MAP1A: variants seen among roughly 807,000 people sequenced by gnomAD.
MAP1A encodes microtubule-associated protein 1A.
A neutral mutation model predicts 185.9 loss-of-function variants in MAP1A; 42 were observed. That is an observed-to-expected ratio of 0.23 (90% CI 0.18 to 0.29). MAP1A has a LOEUF of 0.29. Among genes scored for constraint, MAP1A ranks in the 10% least tolerant of loss-of-function variants. The pLI is 1.00. For missense variants in MAP1A, 2,995 were observed against 3,450.4 expected (o/e 0.87, Z 3.31); for synonymous variants, 1,229 against 1,335.9 (o/e 0.92, Z 1.74).
chr15:43,512,063 G>A, intron 1 of MAP1A: 1 of 658,876 alleles, frequency 1.5e-6, no homozygotes, highest in Non-Finnish European at 2.8e-6. Context: ...CACTGAGGCT[G>A]ATCATGGCAA....
exon 2 of MAP1A, chr15:43,512,278 C>T: frequency 6.5e-7 from 1 of 1,542,204 alleles, no homozygotes; most frequent in Non-Finnish European, 8.8e-7. Flanking sequence ...CTCACTTCTC[C>T]TCAGAGGTCA....
At chr15:43,520,140 G>A (rs1342349335) in intron 1 of MAP1A, among the ~76,000 whole-genome samples, 1 of 152,188 alleles carries the variant, frequency 6.6e-6, no homozygotes, top group East Asian at 1.9e-4. Flanking sequence ...ATGGCAAGAA[G>A]GGTGGGGAGT....
rs773498328 is a variant in MAP1A at position 43,526,227 on chromosome 15, T to C, written c.4754T>C (p.Val1585Ala). The change falls in exon 4 of 6, where the codon GTG becomes GCG. Residue 1585 changes from valine (V) to alanine (A), a missense_variant. Physicochemically the swap from Val to Ala is moderately conservative, Grantham distance 64. Around this residue, in one of 3 missense-constraint regions of MAP1A, gnomAD observed 2,728 missense variants for 2,986.0 expected, o/e 0.91. Coordinates refer to ENST00000300231, the MANE Select transcript of MAP1A (RefSeq NM_002373.6). The surrounding 1 kb of genome is among the most constrained non-coding windows in gnomAD (Gnocchi z 4.7). ...NHQTQEQESL[V>A]QEDKTRKPKM... ...CAAACTCAGGAGCAGGAGAGCCTAG[T>C]GCAGGAGGATAAAACCAGGAAACCA... The C allele has an allele frequency of 1.9e-6, 3 of 1,614,146 alleles. No homozygotes were observed. The highest frequency in any genetic ancestry group is 2.5e-6 in the Non-Finnish European group (3 of 1,180,014).
At position 43,523,989 on chromosome 15, in the gene MAP1A, C is replaced by A; in HGVS notation, c.2516C>A (p.Ser839Tyr). 6.2e-7 allele frequency: 1 copy of A among 1,614,116 alleles called. No individual in the cohort carries two copies. The stretch of plus-strand genomic sequence containing the variant: ...TCAATCACTGAGTGTGACAAACTTT[C>A]TTCCTTTGCCACATCAGTGGCTGAG... ...ATSITECDKL[S>Y]SFATSVAEDQ... is the part of the protein sequence containing the mutation. The change falls in exon 4 of 6, where the codon TCT becomes TAT. Residue 839 changes from serine (S) to tyrosine (Y), a missense_variant. Transcript: ENST00000300231.
At position 43,523,489 on chromosome 15, in the gene MAP1A, G is replaced by A. The variant is rs1006937129; in HGVS notation, c.2016G>A (p.Glu672=). ...EEVHPSDEEE[E]DATKAEGFYQ... ...TACACCCTTCAGATGAGGAGGAAGA[G>A]GACGCGACAAAAGCTGAGGGTTTTT... The change falls in exon 4 of 6, where the codon GAG becomes GAA. Residue 672 remains glutamate, a synonymous_variant. Transcript: ENST00000300231. The A allele has an allele frequency of 5.0e-6, 8 of 1,614,070 alleles. No homozygotes were observed. Among genetic ancestry groups the A allele is most frequent in the East Asian group, 2.2e-5 (1 of 44,876 alleles).
In MAP1A at chr15:43,526,339, C is replaced by T. The variant is rs751690757; in HGVS notation, c.4866C>T (p.Gly1622=). ...EALLEKTKAL[G]LEESLVQEGR... ...TTCTGGAGAAGACCAAAGCTCTGGGCCTGGAAGAGAGCCTAGTGCAGGAGG... is the reference window on the plus strand; with the variant it reads ...TTCTGGAGAAGACCAAAGCTCTGGGTCTGGAAGAGAGCCTAGTGCAGGAGG... Residue 1622 remains glycine (G), a synonymous_variant, in exon 4 of 6, where the codon GGC becomes GGT. Coordinates refer to ENST00000300231, the MANE Select transcript of MAP1A (RefSeq NM_002373.6). This position sits in a 1 kb window ranked among gnomAD's most constrained non-coding sequence, Gnocchi z 4.7. 8.7e-6 allele frequency: 14 copies of T among 1,613,874 alleles called. No individual in the cohort carries two copies. The highest frequency in any genetic ancestry group is 1.6e-4 in the Middle Eastern group (1 of 6,082).
chr15:43,527,627 A>C lies in MAP1A; in HGVS notation c.6154A>C (p.Ser2052Arg). The C allele has an allele frequency of 6.2e-7, 1 of 1,613,930 alleles. No individual in the cohort carries two copies. The highest frequency in any genetic ancestry group is 1.3e-5 in the African/African-American group (1 of 74,960). Residue 2052 changes from serine to arginine, a missense_variant, in exon 4 of 6, where the codon AGT becomes CGT. Physicochemically the swap from Ser to Arg is moderately radical, Grantham distance 110. Around this residue, in one of 3 missense-constraint regions of MAP1A, gnomAD observed 2,728 missense variants for 2,986.0 expected, o/e 0.91. Coordinates refer to ENST00000300231, the MANE Select transcript of MAP1A (RefSeq NM_002373.6). ...TVPPRPEPGP[S>R]MEPSLTPPAV... is the part of the protein sequence containing the mutation. ...ACCCCCAAGGCCAGAGCCAGGGCCAAGTATGGAGCCCAGCCTCACCCCACC... is the reference window on the plus strand; with the variant it reads ...ACCCCCAAGGCCAGAGCCAGGGCCACGTATGGAGCCCAGCCTCACCCCACC...
chr15:43,513,857 G>A (rs1325884271), upstream of MAP1A, among the ~76,000 whole-genome samples: 1 of 152,178 alleles, frequency 6.6e-6, no homozygotes, highest in African/African-American at 2.4e-5. Context: ...CCAGATACAG[G>A]GATGACAGAG....
At chr15:43,512,820 A>T (rs562654816), upstream of MAP1A, among the ~76,000 whole-genome samples, 2 of 152,346 alleles carry the variant, frequency 1.3e-5, no homozygotes, top group Admixed American at 6.5e-5. Flanking sequence ...GGGCACCATC[A>T]AATCCAGAGT....
chr15:43,524,829 C>T lies in MAP1A; in HGVS notation c.3356C>T (p.Pro1119Leu), dbSNP rs777704959. 7.4e-6 allele frequency: 12 copies of T among 1,613,990 alleles called. No homozygotes were observed. The Admixed American group carries it at 2.0e-4, about 27-fold the overall frequency. Reference sequence around the variant, plus strand: ...CCAATTCTGGGAGCAGAAGCCCTTCCCGGAGGTTTGAGGACTTTACCCCAA... The same window carrying T: ...CCAATTCTGGGAGCAGAAGCCCTTCTCGGAGGTTTGAGGACTTTACCCCAA... ...TGPILGAEAL[P>L]GGLRTLPQEP... Residue 1119 changes from proline to leucine, a missense_variant, in exon 4 of 6, where the codon CCC becomes CTC. By Grantham distance (98) the Pro-to-Leu change is moderately conservative. This residue lies in a region of MAP1A where 2,728 missense variants were observed against 2,986.0 expected (regional missense o/e 0.91). Transcript: ENST00000300231.
chr15:43,520,780 C>G, intron 2 of MAP1A, 57 bp downstream of exon 2: 1 of 1,411,712 alleles, frequency 7.1e-7, no homozygotes, highest in Non-Finnish European at 9.8e-7. Flanking sequence ...TATACCCACC[C>G]TTGCCAGTGC....
rs768610101 is a variant in MAP1A at position 43,524,677 on chromosome 15, G to C, written c.3204G>C (p.Arg1068Ser). The C allele has an allele frequency of 1.2e-6, 2 of 1,613,962 alleles. No homozygotes were observed. Among genetic ancestry groups the C allele is most frequent in the Non-Finnish European group, 1.7e-6 (2 of 1,180,016 alleles). ...LEKEEKVPPP[R>S]SPQAQEAPVN... is the part of the protein sequence containing the mutation. ...AGGAAGAGAAAGTTCCTCCTCCCAG[G>C]AGCCCCCAGGCCCAGGAAGCACCTG... Residue 1068 changes from arginine (R) to serine (S), a missense_variant, in exon 4 of 6, where the codon AGG (arginine) becomes AGC (serine). Physicochemically the swap from Arg to Ser is moderately radical, Grantham distance 110. Coordinates refer to ENST00000300231, the MANE Select transcript of MAP1A (RefSeq NM_002373.6).
Position 43,523,628 on chromosome 15 carries a change from C to T in MAP1A, c.2155C>T (p.Leu719=), listed in dbSNP as rs959132171. The T allele has an allele frequency of 7.4e-6, 12 of 1,614,074 alleles. No homozygotes were observed. Among genetic ancestry groups the T allele is most frequent in the Non-Finnish European group, 1.0e-5 (12 of 1,179,996 alleles). The change falls in exon 4 of 6, where the codon CTA becomes TTA. Residue 719 remains leucine (L), a synonymous_variant. Coordinates refer to ENST00000300231, the MANE Select transcript of MAP1A (RefSeq NM_002373.6). ...KAPEKETSLF[L]SSLTTPAGAT... ...CCCTGAGAAGGAGACCTCGTTATTC[C>T]TAAGCAGCCTGACCACACCTGCAGG...
chr15:43,519,895 TG>T (rs1229531508), intron 1 of MAP1A, among the ~76,000 whole-genome samples: 1 of 152,210 alleles, frequency 6.6e-6, no homozygotes, highest in Admixed American at 6.5e-5. Context: ...GTAGTGAATC[TG>T]GCCTCTCTGA....
chr15:43,525,146 C>T lies in MAP1A; in HGVS notation c.3673C>T (p.Leu1225Phe). 1 of 1,614,226 alleles carries T rather than the reference C, an allele frequency of 6.2e-7. No individual in the cohort carries two copies. Among genetic ancestry groups the T allele is most frequent in the Non-Finnish European group, 8.5e-7 (1 of 1,180,042 alleles). ...GCTCTCTCCAGAAAGCCTTGGCACC[C>T]TCCAGTTTGGGGAACTAAACCTTGG... The part of the protein sequence containing the change: ...KQLSPESLGT[L>F]QFGELNLGKE... Residue 1225 changes from leucine to phenylalanine, a missense_variant, in exon 4 of 6, where the codon CTC (leucine) becomes TTC (phenylalanine). Physicochemically the swap from Leu to Phe is conservative, Grantham distance 22. Transcript: ENST00000300231.
chr15:43,528,388 T>G lies in MAP1A; in HGVS notation c.6915T>G (p.Pro2305=). 7 of 1,613,848 alleles carry G rather than the reference T, an allele frequency of 4.3e-6. No homozygotes were observed. Among genetic ancestry groups the G allele is most frequent in the Non-Finnish European group, 5.1e-6 (6 of 1,180,018 alleles). The change falls in exon 4 of 6, where the codon CCT becomes CCG. Residue 2305 remains proline (P), a synonymous_variant. Transcript: ENST00000300231. ...CCCACAGCCTCTGGGACCTCACTCC[T>G]CTGAGCCCAGCACCCCCAGCTTCAC... ...PAAHSLWDLT[P]LSPAPPASLD...
chr15:43,525,163 A>G lies in MAP1A; in HGVS notation c.3690A>G (p.Leu1230=), dbSNP rs2079337320. Residue 1230 remains leucine, a synonymous_variant, in exon 4 of 6, where the codon CTA becomes CTG. Transcript: ENST00000300231. ...TTGGCACCCTCCAGTTTGGGGAACT[A>G]AACCTTGGGAAGGAAGAAATGGGGC... ...ESLGTLQFGE[L]NLGKEEMGHL... is the part of the protein sequence containing the mutation. 2 of 1,614,080 alleles carry G rather than the reference A, an allele frequency of 1.2e-6. No individual in the cohort carries two copies. The highest frequency in any genetic ancestry group is 2.7e-5 in the African/African-American group (2 of 74,938).
At position 43,526,331 on chromosome 15, in the gene MAP1A, G is replaced by A; in HGVS notation, c.4858G>A (p.Ala1620Thr). 6.2e-7 allele frequency: 1 copy of A among 1,614,082 alleles called. No homozygotes were observed. The highest frequency in any genetic ancestry group is 8.5e-7 in the Non-Finnish European group (1 of 1,180,032). The change falls in exon 4 of 6, where the codon GCT becomes ACT. Residue 1620 changes from alanine to threonine, a missense_variant. This residue lies in a region of MAP1A where 2,728 missense variants were observed against 2,986.0 expected (regional missense o/e 0.91). Transcript: ENST00000300231. This position sits in a 1 kb window ranked among gnomAD's most constrained non-coding sequence, Gnocchi z 4.7. ...KLEALLEKTK[A>T]LGLEESLVQE... ...AGAAGCTCTTCTGGAGAAGACCAAA[G>A]CTCTGGGCCTGGAAGAGAGCCTAGT...
At position 43,527,596 on chromosome 15, in the gene MAP1A, C is replaced by T. The variant is rs1221400838; in HGVS notation, c.6123C>T (p.Pro2041=). ...PTFSYAALAG[P]TVPPRPEPGP... ...TCAGCTATGCAGCCCTGGCAGGACC[C>T]ACTGTACCCCCAAGGCCAGAGCCAG... The change falls in exon 4 of 6, where the codon CCC becomes CCT. Residue 2041 remains proline (P), a synonymous_variant. Transcript: ENST00000300231. 1 of 1,614,126 alleles carries T rather than the reference C, an allele frequency of 6.2e-7. No homozygotes were observed. Among genetic ancestry groups the T allele is most frequent in the Non-Finnish European group, 8.5e-7 (1 of 1,180,020 alleles).
Sources: gnomAD v4.1 joint callset for allele counts (sites outside exome capture counted in the v4.1 genomes callset) on GRCh38, gnomAD v4.1.1 for gene constraint, gnomAD v4.1.1 regional missense constraint, Gnocchi (gnomAD v3.1) non-coding constraint, MANE v1.5 for transcripts, NCBI Gene and HGNC (gene_info 2026-07-23, HGNC 2026-07-21) for gene names.